PSG11: variants seen among roughly 807,000 people sequenced by gnomAD.
PSG11 encodes pregnancy specific beta-1-glycoprotein 11.
PSG11 carries 42 observed loss-of-function variants against 36.0 expected under a neutral mutation model. That is an observed-to-expected ratio of 1.17 (90% confidence interval 0.91 to 1.51). The LOEUF (loss-of-function observed/expected upper bound fraction) is 1.51. PSG11 is among the 40% of genes most tolerant of loss of function. The pLI, the probability that PSG11 is intolerant of heterozygous loss-of-function variation, is 0.00. For missense variants in PSG11, 558 were observed against 403.5 expected (o/e 1.38, Z -3.28); for synonymous variants, 206 against 153.5 (o/e 1.34, Z -2.53).
chr19:43,015,459 G>C (rs1966938647), intron 3 of PSG11, 89 bp from the exon 4 acceptor site: 1 of 1,466,304 alleles, frequency 6.8e-7, no homozygotes, highest in Non-Finnish European at 9.2e-7. Context: ...GACCCTCTGA[G>C]CCAAGACACA....
intron 1 of PSG11, 110 bp downstream of exon 1, chr19:43,026,199 C>T (rs1967250713): frequency 9.3e-6 from 14 of 1,512,776 alleles, no homozygotes; most frequent in Middle Eastern, 4.0e-4. Flanking sequence ...CCTCAGCCTC[C>T]CTAAATGCTG....
chr19:43,010,931 T>C (rs909218386), intron 4 of PSG11, among the ~76,000 whole-genome samples: 5 of 149,084 alleles, frequency 3.4e-5, no homozygotes, highest in Non-Finnish European at 7.4e-5. Context: ...AGGAAGGTAC[T>C]GTTGAGGGGC....
intron 3 of PSG11, among the ~76,000 whole-genome samples, chr19:43,016,499 C>T (rs1278550954): frequency 6.6e-6 from 1 of 151,260 alleles, no homozygotes; most frequent in Non-Finnish European, 1.5e-5. Flanking sequence ...AATAATGGGA[C>T]TTCCCATTGT....
intron 4 of PSG11, among the ~76,000 whole-genome samples, chr19:43,011,173 C>G (rs1217271246): frequency 6.6e-6 from 1 of 151,096 alleles, no homozygotes; most frequent in East Asian, 1.9e-4. Flanking sequence ...TAGTAGCTGA[C>G]ATTGGTTCCT....
chr19:43,018,709 G>T, intron 3 of PSG11, 61 bp downstream of exon 3: 1 of 1,611,382 alleles, frequency 6.2e-7, no homozygotes, highest in Non-Finnish European at 8.5e-7. Context: ...GAGAGGCCTG[G>T]CCTCTGGCCA....
At chr19:43,017,668 G>T (rs1414920283) in intron 3 of PSG11, 1 of 151,100 alleles carries the variant, frequency 6.6e-6, no homozygotes, top group African/African-American at 2.4e-5. Flanking sequence ...TTCTAGTAGG[G>T]GTTGCATTGA....
chr19:43,010,806 A>G (rs1186853599), intron 4 of PSG11: 1 of 150,392 alleles, frequency 6.6e-6, no homozygotes, highest in Non-Finnish European at 1.5e-5. Context: ...ACCAGGCTTG[A>G]TTCTTTGCAG....
intron 2 of PSG11, among the ~76,000 whole-genome samples, chr19:43,022,499 T>C (rs144057901): frequency 0.013 from 2,029 of 151,478 alleles, 121 homozygotes; most frequent in African/African-American, 0.045. Context: ...CCTGATCCAC[T>C]GGGGAGGCTG....
rs1265512314 is a variant in PSG11, at chr19:43,024,987, A to G, written c.134T>C (p.Val45Ala). The stretch of plus-strand genomic sequence containing the variant: ...TAGAAGAACATCCTTCCCCTCGGAC[A>G]CTTTGGGTGGCTGGGCTTCAATCAT... The part of the protein sequence containing the change: ...QVMIEAQPPK[V>A]SEGKDVLLLV... Residue 45 changes from valine to alanine, a missense_variant, in exon 2 of 6, where the codon GTG becomes GCG. Transcript: ENST00000320078. The G allele has an allele frequency of 6.2e-7, 1 of 1,611,232 alleles. No homozygotes were observed. Among genetic ancestry groups the G allele is most frequent in the East Asian group, 2.2e-5 (1 of 44,802 alleles).
intron 4 of PSG11, chr19:43,010,277 G>C: frequency 6.8e-7 from 1 of 1,463,218 alleles, no homozygotes; most frequent in Non-Finnish European, 9.0e-7. Flanking sequence ...CAGGTATTTT[G>C]GAAGGCTTTC....
At chr19:43,011,147 G>A (rs1051816885) in intron 4 of PSG11, among the ~76,000 whole-genome samples, 1 of 151,086 alleles carries the variant, frequency 6.6e-6, no homozygotes, top group African/African-American at 2.4e-5. Flanking sequence ...CAAGGTTAAT[G>A]ATGATGATAG....
chr19:43,016,959 G>GA (rs779199189), intron 3 of PSG11, among the ~76,000 whole-genome samples: 11 of 151,506 alleles, frequency 7.3e-5, no homozygotes, highest in Non-Finnish European at 1.5e-4. Context: ...CAAATTTGGA[G>GA]AAAAGTTTTG....
At position 43,015,233 on chromosome 19, in the gene PSG11, C is replaced by T. The variant is rs367703768; in HGVS notation, c.847G>A (p.Gly283Arg). 8.7e-6 allele frequency: 14 copies of T among 1,611,654 alleles called. 1 individual carries two copies. The highest frequency in any genetic ancestry group is 8.1e-5 in the African/African-American group (6 of 74,526). The change falls in exon 4 of 6, where the codon GGA becomes AGA. Residue 283 changes from glycine (G) to arginine (R), a missense_variant. Transcript: ENST00000320078. ...ATCTGAGGGATAAAGAGCTTTTGTC[C>T]TGATAGCTGAAACTTCCCATTAATT... is the stretch of plus-strand genomic sequence containing the variant. The part of the protein sequence containing the change: ...WTINGKFQLS[G>R]QKLFIPQITP...
intron 3 of PSG11, 199 bp downstream of exon 3, chr19:43,018,571 C>T: frequency 3.9e-6 from 5 of 1,295,126 alleles, no homozygotes; most frequent in Non-Finnish European, 5.4e-6. Flanking sequence ...CCTCCCATGA[C>T]AGGAGCAGCC....
At chr19:43,020,490 T>C (rs1245186467) in intron 2 of PSG11, among the ~76,000 whole-genome samples, 2 of 151,164 alleles carry the variant, frequency 1.3e-5, no homozygotes, top group Non-Finnish European at 2.9e-5. Flanking sequence ...GTTCTGACTC[T>C]AGTAACAAAA....
chr19:43,025,547 G>A (rs558662790), intron 1 of PSG11, among the ~76,000 whole-genome samples: 3 of 151,200 alleles, frequency 2.0e-5, no homozygotes, highest in African/African-American at 4.9e-5. Flanking sequence ...GGCAGCATGA[G>A]CTCCGTGAGG....
In PSG11 at chr19:43,011,863, C is replaced by G. The variant is rs577266909; in HGVS notation, c.965-1822G>C. ...CCATAATCACACCACTGTATTCCATCCTGGGCTGGCCTACAGAGTGAGAGT... is the reference window on the plus strand; with the variant it reads ...CCATAATCACACCACTGTATTCCATGCTGGGCTGGCCTACAGAGTGAGAGT... On this transcript the variant is annotated intron_variant, in intron 4 of 5. Transcript: ENST00000320078. Among the ~76,000 whole-genome samples the G allele has an allele frequency of 3.9e-4, 59 of 149,846 alleles. 1 individual carries two copies. The highest frequency in any genetic ancestry group is 1.4e-3 in the African/African-American group (58 of 40,524).
rs750840452 is a variant in PSG11 at position 43,019,018 on chromosome 19, C to T, written c.461G>A (p.Ser154Asn). ...CATGGCCTCCCTGGGGTTTAAGTTG[C>T]TGCTGGAGATGGAGGGCTTGGGAGT... is the stretch of plus-strand genomic sequence containing the variant. ...LETPKPSISS[S>N]NLNPREAMET... Residue 154 changes from serine (S) to asparagine (N), a missense_variant, in exon 3 of 6, where the codon AGC becomes AAC. Transcript: ENST00000320078. The T allele has an allele frequency of 4.3e-6, 7 of 1,611,900 alleles. No homozygotes were observed. Among genetic ancestry groups the T allele is most frequent in the South Asian group, 1.1e-5 (1 of 90,808 alleles).
At position 43,011,060 on chromosome 19, in the gene PSG11, G is replaced by A. The variant is rs755179673; in HGVS notation, c.965-1019C>T. ...GCCAATGAAAAGACAGAAGCTTAGCGTGCTGTAAAAACTTTCCTGGTGTCA... is the reference window on the plus strand; with the variant it reads ...GCCAATGAAAAGACAGAAGCTTAGCATGCTGTAAAAACTTTCCTGGTGTCA... On this transcript the variant is annotated intron_variant, in intron 4 of 5. Transcript: ENST00000320078. Among the ~76,000 whole-genome samples the A allele has an allele frequency of 9.3e-5, 14 of 151,002 alleles. 1 individual carries two copies. The highest frequency in any genetic ancestry group is 2.0e-4 in the African/African-American group (8 of 40,912).
Sources: allele counts gnomAD v4.1 joint callset (sites outside exome capture counted in the v4.1 genomes callset), GRCh38; gene constraint gnomAD v4.1.1; transcripts MANE v1.5; gene names NCBI Gene and HGNC (gene_info 2026-07-23, HGNC 2026-07-21).